Variants in XDH observed in about 807,000 individuals in gnomAD.
The protein encoded by XDH is xanthine dehydrogenase/oxidase.
In XDH, 138 loss-of-function variants were observed where a neutral mutation model predicts 156.1. That is an observed-to-expected ratio of 0.88 (90% CI 0.77 to 1.02). The LOEUF is 1.02. Ranked by LOEUF, XDH falls within the 50% of genes least tolerant of loss-of-function variation. XDH has a pLI of 0.00. For synonymous variants in XDH, 669 were observed against 625.7 expected, an observed-to-expected ratio of 1.07 and a Z score of -1.03; for missense variants, 1,849 against 1,684.9, an observed-to-expected ratio of 1.10 and a Z score of -1.71.
chr2:31,360,707 T>A (rs2148763799), intron 24 of XDH, among the ~76,000 whole-genome samples: 1 of 152,292 alleles, frequency 6.6e-6, no homozygotes, highest in African/African-American at 2.4e-5. Flanking sequence ...ATCTGAGGTT[T>A]CAGGCACCCA....
At chr2:31,337,533 G>A (rs972174504) in intron 35 of XDH, 108 bp downstream of exon 35, 31 of 1,537,538 alleles carry the variant, frequency 2.0e-5, no homozygotes, top group South Asian at 3.4e-5. Context: ...AAGGCTGCCC[G>A]GTTAGGAGAG....
At chr2:31,394,837 G>A (rs925231337) in intron 6 of XDH, among the ~76,000 whole-genome samples, 6 of 152,058 alleles carry the variant, frequency 3.9e-5, no homozygotes, top group Non-Finnish European at 5.9e-5. Flanking sequence ...GCCCACCGAA[G>A]GTAGTCTTCA....
chr2:31,370,394 A>G lies in XDH; in HGVS notation c.1941T>C (p.Thr647=). ...SADDVPGSNI[T]GICNDETVFA... is the part of the protein sequence containing the mutation. ...AGACTGTCTCATCATTACAAATTCCAGTTATGTTACTCCCAGGAACATCAT... is the reference window on the plus strand; with the variant it reads ...AGACTGTCTCATCATTACAAATTCCGGTTATGTTACTCCCAGGAACATCAT... The change falls in exon 18 of 36, where the codon ACT becomes ACC. Residue 647 remains threonine (T), a synonymous_variant. Transcript: ENST00000379416. 1 of 1,614,238 alleles carries G rather than the reference A, an allele frequency of 6.2e-7. No homozygotes were observed. The highest frequency in any genetic ancestry group is 8.5e-7 in the Non-Finnish European group (1 of 1,180,052).
At chr2:31,336,197 T>G (rs1027325633) in intron 35 of XDH, among the ~76,000 whole-genome samples, 189 bp from the exon 36 acceptor site, 1 of 152,262 alleles carries the variant, frequency 6.6e-6, no homozygotes, top group African/African-American at 2.4e-5. Context: ...TTATTTTCAC[T>G]GAGCACTTTC....
In XDH at chr2:31,388,314, T is replaced by C. The variant is rs1686670545; in HGVS notation, c.496-19A>G. 1 of 1,613,226 alleles carries C rather than the reference T, an allele frequency of 6.2e-7. No individual in the cohort carries two copies. The highest frequency in any genetic ancestry group is 1.1e-5 in the South Asian group (1 of 91,052). On this transcript the variant is annotated intron_variant, in intron 6 of 35. Transcript: ENST00000379416. ...CACCATCCTAGAGAGATGATGAACA[T>C]CTGCACAAGGGTATTTACAAAGAGT...
intron 8 of XDH, 132 bp downstream of exon 8, chr2:31,387,679 T>C (rs934844402): frequency 1.4e-5 from 12 of 865,410 alleles, no homozygotes; most frequent in African/African-American, 1.4e-4. Flanking sequence ...TGTCAGAAAA[T>C]GGAAGGGAAA....
intron 2 of XDH, among the ~76,000 whole-genome samples, chr2:31,403,748 C>G (rs1266647343): frequency 6.6e-6 from 1 of 152,134 alleles, no homozygotes. Flanking sequence ...GGGCCTCACT[C>G]TTACATATAC....
In XDH at chr2:31,347,823, G is replaced by A. The variant is rs4952085; in HGVS notation, c.3148-173C>T. 0.78 allele frequency among the ~76,000 whole-genome samples: 118,002 copies of A among 152,160 alleles called. 45,831 individuals carry two copies. Among genetic ancestry groups the A allele is most frequent in the East Asian group, 0.85 (4,374 of 5,168 alleles). On this transcript the variant is annotated intron_variant, in intron 28 of 35. Coordinates refer to ENST00000379416, the MANE Select transcript of XDH (RefSeq NM_000379.4). ...CTGGCTGAATTTGAAGGAGCACTTG[G>A]TGGAGTTCGGTTGGATAAAAAATTC...
chr2:31,370,886 C>T (rs113793831), intron 17 of XDH, among the ~76,000 whole-genome samples: 263 of 152,290 alleles, frequency 1.7e-3, no homozygotes, highest in African/African-American at 5.1e-3. Flanking sequence ...TTGGATGTTA[C>T]GTGATGCTCT....
At chr2:31,369,434 A>T (rs1346316173) in intron 18 of XDH, among the ~76,000 whole-genome samples, 1 of 152,246 alleles carries the variant, frequency 6.6e-6, no homozygotes, top group Non-Finnish European at 1.5e-5. Context: ...TCCCCGAAAA[A>T]GTAAACAACA....
At chr2:31,399,869 A>G (rs964899568) in intron 4 of XDH, among the ~76,000 whole-genome samples, 2 of 152,198 alleles carry the variant, frequency 1.3e-5, no homozygotes, top group African/African-American at 4.8e-5. Flanking sequence ...TTTGTAAATT[A>G]CCCAGTCTTG....
chr2:31,376,419 T>C (rs1053041504), intron 14 of XDH, among the ~76,000 whole-genome samples: 1 of 149,176 alleles, frequency 6.7e-6, no homozygotes, highest in Non-Finnish European at 1.5e-5. Context: ...GCAGCAATAC[T>C]AGTAGCAATA....
In XDH at chr2:31,414,739, C is replaced by T; in HGVS notation, c.-73G>A. The T allele has an allele frequency of 6.4e-7, 1 of 1,572,288 alleles. No individual in the cohort carries two copies. The highest frequency in any genetic ancestry group is 8.8e-7 in the Non-Finnish European group (1 of 1,142,000). ...ACACTGGCAGGTAGTTATCACTGCT[C>T]TGTGACCTGAAAGTTACGCCTCCCA... On this transcript the variant is annotated 5_prime_UTR_variant, in exon 1 of 36. Coordinates refer to ENST00000379416, the MANE Select transcript of XDH (RefSeq NM_000379.4).
intron 24 of XDH, among the ~76,000 whole-genome samples, chr2:31,351,789 A>G (rs1685487524): frequency 6.6e-6 from 1 of 152,232 alleles, no homozygotes; most frequent in Non-Finnish European, 1.5e-5. Flanking sequence ...ATTTGGAAGT[A>G]GGCTTTCCAG....
chr2:31,369,763 T>A (rs1686024031), intron 18 of XDH, among the ~76,000 whole-genome samples: 1 of 152,250 alleles, frequency 6.6e-6, no homozygotes, highest in African/African-American at 2.4e-5. Flanking sequence ...CCTTCACTTT[T>A]ACATCAATAA....
At chr2:31,405,882 C>T (rs774214789) in intron 2 of XDH, 25 bp downstream of exon 2, 1 of 1,613,928 alleles carries the variant, frequency 6.2e-7, no homozygotes, top group Non-Finnish European at 8.5e-7. Context: ...CCTTCTCCGT[C>T]ACTCCCACTC....
At chr2:31,376,711 G>GT (rs1234591795) in intron 14 of XDH, among the ~76,000 whole-genome samples, 5 of 149,858 alleles carry the variant, frequency 3.3e-5, no homozygotes, top group African/African-American at 1.2e-4. Context: ...GCAATAATGA[G>GT]TAACAGTAGT....
intron 24 of XDH, among the ~76,000 whole-genome samples, chr2:31,353,735 A>G (rs1283664479): frequency 1.3e-5 from 2 of 152,188 alleles, no homozygotes; most frequent in Non-Finnish European, 2.9e-5. Context: ...TTAGACAATA[A>G]GTACCCCAGC....
chr2:31,393,800 C>CTTT (rs34575198), intron 6 of XDH, among the ~76,000 whole-genome samples: 7 of 140,442 alleles, frequency 5.0e-5, no homozygotes, highest in African/African-American at 7.9e-5. Context: ...TTCCTTTTTT[C>CTTT]TTTTTTTTTT....
Sources: allele counts gnomAD v4.1 joint callset (sites outside exome capture counted in the v4.1 genomes callset), GRCh38; gene constraint gnomAD v4.1.1; transcripts MANE v1.5; gene names NCBI Gene and HGNC (gene_info 2026-07-23, HGNC 2026-07-21).